Variants in HCN1 observed in about 807,000 individuals in gnomAD.
HCN1 encodes potassium/sodium hyperpolarization-activated cyclic nucleotide-gated channel 1.
In HCN1, 13 loss-of-function variants were observed where a neutral mutation model predicts 78.9. That is an observed-to-expected ratio of 0.16 (90% CI 0.11 to 0.26). The LOEUF (loss-of-function observed/expected upper bound fraction) is 0.26. HCN1 is among the 10% of genes least tolerant of loss of function. The pLI, the probability that HCN1 is intolerant of heterozygous loss-of-function variation, is 1.00. For synonymous variants in HCN1, 552 were observed against 455.5 expected, an observed-to-expected ratio of 1.21 and a Z score of -2.70; for missense variants, 810 against 1,154.3, an observed-to-expected ratio of 0.70 and a Z score of 4.32.
intron 2 of HCN1, among the ~76,000 whole-genome samples, chr5:45,562,158 C>T (rs75257439): frequency 0.012 from 1,773 of 152,004 alleles, 36 homozygotes; most frequent in African/African-American, 0.041. Flanking sequence ...TTCTTGGTGG[C>T]CCTGTCCTTA....
At chr5:45,582,506 C>T (rs1744103466) in intron 2 of HCN1, among the ~76,000 whole-genome samples, 1 of 152,176 alleles carries the variant, frequency 6.6e-6, no homozygotes, top group East Asian at 1.9e-4. Flanking sequence ...ATTGAATACC[C>T]TTTATTTCCT....
chr5:45,665,130 G>C lies in HCN1; in HGVS notation c.426-19522C>G, dbSNP rs1469474806. Among the ~76,000 whole-genome samples, 1,286 of 151,974 alleles carry C rather than the reference G, an allele frequency of 8.5e-3. 18 individuals carry two copies. Among genetic ancestry groups the C allele is most frequent in the African/African-American group, 0.03 (1,259 of 41,372 alleles). On this transcript the variant is annotated intron_variant, in intron 1 of 7. Transcript: ENST00000303230. ...ATACTATGTAGCCATAAAAAATGAT[G>C]AGTTCATGTACTTTGTAGGGACATG... is the stretch of plus-strand genomic sequence containing the variant.
intron 2 of HCN1, among the ~76,000 whole-genome samples, chr5:45,522,279 A>G (rs1323921740): frequency 2.0e-5 from 3 of 152,064 alleles, no homozygotes; most frequent in Admixed American, 1.3e-4. Context: ...TACTGTGTAA[A>G]TAATTAAATG....
At position 45,262,067 on chromosome 5, in the gene HCN1, G is replaced by A. The variant is rs1046832984; in HGVS notation, c.2527C>T (p.Arg843Ter). ...GGGATGGCTCCCGACGACATCTGTCGGAAGAGGGTGACGCGCTGCGGGACA... is the reference window on the plus strand; with the variant it reads ...GGGATGGCTCCCGACGACATCTGTCAGAAGAGGGTGACGCGCTGCGGGACA... ...STVPQRVTLF[R>*]QMSSGAIPPN... Residue 843 changes from arginine (R) to a stop codon, truncating the protein, a stop_gained, in exon 8 of 8, where the codon CGA becomes TGA. Coordinates refer to ENST00000303230, the MANE Select transcript of HCN1 (RefSeq NM_021072.4). LOFTEE classifies it high-confidence loss of function. 6.2e-7 allele frequency: 1 copy of A among 1,613,710 alleles called. No homozygotes were observed. Among genetic ancestry groups the A allele is most frequent in the South Asian group, 1.1e-5 (1 of 91,084 alleles).
At position 45,376,349 on chromosome 5, in the gene HCN1, T is replaced by TAG. The variant is rs374514550; in HGVS notation, c.1230+20141_1230+20142dup. The stretch of plus-strand genomic sequence containing the variant: ...ATATATAACATATATTATATATATA[T>TAG]AGAGAGAGAGAGAGAGAGAGAGAGA... On this transcript the variant is annotated intron_variant, in intron 4 of 7. Coordinates refer to ENST00000303230, the MANE Select transcript of HCN1 (RefSeq NM_021072.4). Among the ~76,000 whole-genome samples, 401 of 109,468 alleles carry TAG rather than the reference T, an allele frequency of 3.7e-3. 2 individuals are homozygous for TAG. The highest frequency in any genetic ancestry group is 0.011 in the African/African-American group (309 of 28,292). The allele number at this position is 109,468 out of a possible 152,430, so 71.8% of individuals were successfully genotyped here.
chr5:45,318,230 C>T (rs893456790), intron 5 of HCN1, among the ~76,000 whole-genome samples: 4 of 152,082 alleles, frequency 2.6e-5, no homozygotes, highest in African/African-American at 9.7e-5. Flanking sequence ...GAATACTATG[C>T]AGCCATAAAA....
intron 2 of HCN1, chr5:45,480,232 T>A (rs1579920587): frequency 6.6e-6 from 1 of 152,474 alleles, no homozygotes; most frequent in Non-Finnish European, 1.5e-5. Flanking sequence ...ACCTTTTCCA[T>A]GAAGCTAATT....
chr5:45,361,138 G>A (rs1747098272), intron 4 of HCN1, among the ~76,000 whole-genome samples: 1 of 152,154 alleles, frequency 6.6e-6, no homozygotes, highest in Admixed American at 6.6e-5. Flanking sequence ...TCTGCCTCCA[G>A]GGTTCTAGCG....
chr5:45,487,265 TCAGA>T (rs1372879314), intron 2 of HCN1, among the ~76,000 whole-genome samples: 6 of 152,120 alleles, frequency 3.9e-5, no homozygotes, highest in African/African-American at 1.4e-4. Flanking sequence ...GTTCATAATA[TCAGA>T]CAGATATTTA....
intron 5 of HCN1, among the ~76,000 whole-genome samples, chr5:45,335,626 A>T (rs978959010): frequency 6.6e-6 from 1 of 152,074 alleles, no homozygotes; most frequent in Non-Finnish European, 1.5e-5. Flanking sequence ...TTAGTTATTT[A>T]AATGTTTGTC....
chr5:45,503,687 CAT>C (rs1295173393), intron 2 of HCN1, among the ~76,000 whole-genome samples: 2 of 151,682 alleles, frequency 1.3e-5, no homozygotes, highest in Non-Finnish European at 2.9e-5. Flanking sequence ...TCTTTATAAC[CAT>C]ATGGGGCGGT....
intron 6 of HCN1, among the ~76,000 whole-genome samples, chr5:45,273,201 T>A (rs1744991873): frequency 6.6e-6 from 1 of 151,856 alleles, no homozygotes; most frequent in South Asian, 2.1e-4. Context: ...TAAGTAGTTA[T>A]TTCACCTAGT....
In HCN1 at chr5:45,696,195, G is replaced by C; in HGVS notation, c.-102C>G. 1 of 601,024 alleles carries C rather than the reference G, an allele frequency of 1.7e-6. No homozygotes were observed. The highest frequency in any genetic ancestry group is 2.2e-6 in the Non-Finnish European group (1 of 464,208). The allele number at this position is 601,024 out of a possible 1,614,324, so 37.2% of individuals were successfully genotyped here. ...GGGTAGGGGCCCGAGCCGGCTGCCGGCGAGCCCAGCTGCCCGTCGCGGCGG... is the reference window on the plus strand; with the variant it reads ...GGGTAGGGGCCCGAGCCGGCTGCCGCCGAGCCCAGCTGCCCGTCGCGGCGG... On this transcript the variant is annotated 5_prime_UTR_variant, in exon 1 of 8. Coordinates refer to ENST00000303230, the MANE Select transcript of HCN1 (RefSeq NM_021072.4).
intron 3 of HCN1, among the ~76,000 whole-genome samples, chr5:45,404,262 A>G (rs1410539863): frequency 6.6e-6 from 1 of 152,136 alleles, no homozygotes; most frequent in African/African-American, 2.4e-5. Flanking sequence ...TTATATGCGA[A>G]TGGGAGACTG....
chr5:45,437,532 A>T (rs1479816011), intron 3 of HCN1, among the ~76,000 whole-genome samples: 1 of 152,186 alleles, frequency 6.6e-6, no homozygotes, highest in African/African-American at 2.4e-5. Flanking sequence ...ATTCACATTC[A>T]TGGTATGCAC....
intron 2 of HCN1, among the ~76,000 whole-genome samples, chr5:45,583,430 G>A (rs1233596644): frequency 6.6e-6 from 1 of 151,864 alleles, no homozygotes; most frequent in Non-Finnish European, 1.5e-5. Flanking sequence ...TTCTTTATTA[G>A]TCTTGCTAGC....
chr5:45,518,877 GAA>G (rs1192435473), intron 2 of HCN1, among the ~76,000 whole-genome samples: 1 of 151,662 alleles, frequency 6.6e-6, no homozygotes, highest in Non-Finnish European at 1.5e-5. Context: ...CCTAAGCTAA[GAA>G]AAACTTTAAA....
At chr5:45,493,593 ATTTTT>A (rs556013434) in intron 2 of HCN1, among the ~76,000 whole-genome samples, 1 of 148,948 alleles carries the variant, frequency 6.7e-6, no homozygotes, top group South Asian at 2.1e-4. Flanking sequence ...TTTAGCTTTT[ATTTTT>A]TTTTATTTAT....
chr5:45,377,776 A>G (rs1483807897), intron 4 of HCN1, among the ~76,000 whole-genome samples: 1 of 152,056 alleles, frequency 6.6e-6, no homozygotes, highest in East Asian at 1.9e-4. Flanking sequence ...ACATAAGACT[A>G]TAACAAATTG....
Sources: allele counts gnomAD v4.1 joint callset (sites outside exome capture counted in the v4.1 genomes callset), GRCh38; gene constraint gnomAD v4.1.1; transcripts MANE v1.5; gene names NCBI Gene and HGNC (gene_info 2026-07-23, HGNC 2026-07-21).